ACSBG2: variants seen among roughly 807,000 people sequenced by gnomAD.
The protein encoded by ACSBG2 is long-chain-fatty-acid--CoA ligase ACSBG2.
A neutral mutation model predicts 74.7 loss-of-function variants in ACSBG2; 62 were observed. That is an observed-to-expected ratio of 0.83 (90% CI 0.68 to 1.03). The LOEUF is 1.03. Among genes scored for constraint, ACSBG2 ranks in the 50% least tolerant of loss-of-function variants. ACSBG2 has a pLI of 0.00. For missense variants in ACSBG2, 730 were observed against 817.6 expected, an observed-to-expected ratio of 0.89 and a Z score of 1.31; for synonymous variants, 309 against 294.1, an observed-to-expected ratio of 1.05 and a Z score of -0.52.
chr19:6,187,827 A>G lies in ACSBG2; in HGVS notation c.1909A>G (p.Ile637Val). ...GGTCATCTTGGAGAAGGACTTTTCC[A>G]TCTATGGTGGAGAGCTAGGTGAGTG... ...KWVILEKDFSIYGGELGPMMK... is the reference protein window; with the variant it reads ...KWVILEKDFSVYGGELGPMMK... The change falls in exon 13 of 15, where the codon ATC (isoleucine) becomes GTC (valine). Residue 637 changes from isoleucine to valine, a missense_variant. Ile to Val is a conservative substitution (Grantham distance 29). Transcript: ENST00000588485. 1.9e-6 allele frequency: 3 copies of G among 1,614,200 alleles called. No homozygotes were observed. Among genetic ancestry groups the G allele is most frequent in the Non-Finnish European group, 2.5e-6 (3 of 1,180,044 alleles).
At chr19:6,184,360 G>A (rs193125035) in intron 10 of ACSBG2, among the ~76,000 whole-genome samples, 7 of 152,056 alleles carry the variant, frequency 4.6e-5, no homozygotes, top group East Asian at 1.9e-4. Flanking sequence ...TGAACTTATC[G>A]ATCTCTTATG....
At position 6,180,269 on chromosome 19, in the gene ACSBG2, T is replaced by G. The variant is rs1012147783; in HGVS notation, c.907-2482T>G. Among the ~76,000 whole-genome samples, 4 of 152,154 alleles carry G rather than the reference T, an allele frequency of 2.6e-5. No individual in the cohort carries two copies. The highest frequency in any genetic ancestry group is 4.4e-5 in the Non-Finnish European group (3 of 68,022). On this transcript the variant is annotated intron_variant, in intron 8 of 14. Coordinates refer to ENST00000588485, the MANE Select transcript of ACSBG2 (RefSeq NM_030924.5). The surrounding 1 kb of genome is among the most constrained non-coding windows in gnomAD (Gnocchi z 4.3). ...TCCCAGGAGTTAGAACGTGGACATC[T>G]TTAGGGGGCCATTATTTTGCCTCCC...
chr19:6,176,264 A>C, intron 7 of ACSBG2: 2 of 1,336,516 alleles, frequency 1.5e-6, no homozygotes, highest in Non-Finnish European at 1.9e-6. Flanking sequence ...CCAGGTCCTT[A>C]CTCGATCTTA....
intron 7 of ACSBG2, among the ~76,000 whole-genome samples, chr19:6,169,236 A>C (rs1048287055): frequency 2.6e-5 from 4 of 152,186 alleles, no homozygotes; most frequent in African/African-American, 7.2e-5. Flanking sequence ...TCTTAGTCAT[A>C]AATTCTCTGC....
At position 6,183,055 on chromosome 19, in the gene ACSBG2, G is replaced by A. The variant is rs752245997; in HGVS notation, c.1105G>A (p.Val369Met). 1.5e-5 allele frequency: 24 copies of A among 1,614,014 alleles called. No homozygotes were observed. Among genetic ancestry groups the A allele is most frequent in the South Asian group, 4.4e-5 (4 of 91,086 alleles). Reference protein sequence around the residue: ...KKMLGKYNTPVSYRMAKTLVF... With the variant: ...KKMLGKYNTPMSYRMAKTLVF... ...TATTCACAGGAAATATAATACTCCC[G>A]TGAGCTACCGCATGGCTAAGACTCT... The change falls in exon 10 of 15, where the codon GTG becomes ATG. Residue 369 changes from valine to methionine, a missense_variant. Coordinates refer to ENST00000588485, the MANE Select transcript of ACSBG2 (RefSeq NM_030924.5).
In ACSBG2 at chr19:6,183,138, T is replaced by G. The variant is rs2090308611; in HGVS notation, c.1188T>G (p.Ser396Arg). ...LGLDHCHSFI[S>R]GTAPLNQETA... ...TGGATCACTGTCACTCTTTTATCAG[T>G]GGGACTGCGCCCCTCAACCAAGAGA... is the stretch of plus-strand genomic sequence containing the variant. The change falls in exon 10 of 15, where the codon AGT becomes AGG. Residue 396 changes from serine (S) to arginine (R), a missense_variant. Ser to Arg is a moderately radical substitution (Grantham distance 110). Coordinates refer to ENST00000588485, the MANE Select transcript of ACSBG2 (RefSeq NM_030924.5). 6.2e-7 allele frequency: 1 copy of G among 1,614,240 alleles called. No homozygotes were observed. Among genetic ancestry groups the G allele is most frequent in the African/African-American group, 1.3e-5 (1 of 75,060 alleles).
At position 6,161,392 on chromosome 19, in the gene ACSBG2, C is replaced by G. The variant is rs45458891; in HGVS notation, c.588+97C>G. 0.022 allele frequency: 25,258 copies of G among 1,170,474 alleles called. 976 individuals are homozygous for G. Among genetic ancestry groups the G allele is most frequent in the African/African-American group, 0.15 (10,012 of 65,738 alleles). The allele number at this position is 1,170,474 out of a possible 1,614,324, so 72.5% of individuals were successfully genotyped here. ...TGGAAGGTGAGCAGAGGGAGGAGGT[C>G]GGACCTGGCAAGGGTGGGAACTCTC... On this transcript the variant is annotated intron_variant, in intron 6 of 14. Transcript: ENST00000588485.
intron 3 of ACSBG2, among the ~76,000 whole-genome samples, chr19:6,151,087 C>T (rs558373813): frequency 2.2e-4 from 32 of 147,054 alleles, no homozygotes; most frequent in African/African-American, 7.3e-4. Flanking sequence ...GGACTCCAGC[C>T]TTGGCAACAG....
rs1233477685 is a variant in ACSBG2, at chr19:6,190,589, A to G, written c.1933A>G (p.Met645Val). 1.1e-5 allele frequency: 17 copies of G among 1,613,816 alleles called. No homozygotes were observed. Among genetic ancestry groups the G allele is most frequent in the African/African-American group, 5.3e-5 (4 of 75,026 alleles). ...FSIYGGELGP[M>V]MKLKRHFVAQ... ...GATTTCTCCTTTCTCGATAGGTCCA[A>G]TGATGAAACTTAAGAGACATTTTGT... The change falls in exon 14 of 15, where the codon ATG (methionine) becomes GTG (valine). Residue 645 changes from methionine (M) to valine (V), a missense_variant. Coordinates refer to ENST00000588485, the MANE Select transcript of ACSBG2 (RefSeq NM_030924.5).
chr19:6,158,945 C>A (rs1229728522), intron 5 of ACSBG2, among the ~76,000 whole-genome samples: 1 of 151,826 alleles, frequency 6.6e-6, no homozygotes, highest in African/African-American at 2.4e-5. Context: ...TTTTTCTTTT[C>A]TTTTCTTTTT....
intron 6 of ACSBG2, among the ~76,000 whole-genome samples, 190 bp from the exon 7 acceptor site, chr19:6,165,676 G>A (rs1394013729): frequency 6.6e-6 from 1 of 152,210 alleles, no homozygotes; most frequent in African/African-American, 2.4e-5. Flanking sequence ...GCTTGGTGAC[G>A]CTGCGAGGAA....
Position 6,156,530 on chromosome 19 carries a change from A to G in ACSBG2, c.486A>G (p.Gln162=). The G allele has an allele frequency of 6.3e-7, 1 of 1,583,814 alleles. No individual in the cohort carries two copies. Among genetic ancestry groups the G allele is most frequent in the Non-Finnish European group, 8.6e-7 (1 of 1,164,164 alleles). Residue 162 remains glutamine, a synonymous_variant, in exon 5 of 15, where the codon CAA becomes CAG. Transcript: ENST00000588485. The stretch of plus-strand genomic sequence containing the variant: ...ACATCTTGCTGGTTGAGAATGATCA[A>G]CAGTTACAGAAAATCCTTTCGGTAA... The part of the protein sequence containing the change: ...KVNILLVEND[Q]QLQKILSIPQ...
At chr19:6,156,971 G>C (rs374980731) in intron 5 of ACSBG2, among the ~76,000 whole-genome samples, 5 of 151,320 alleles carry the variant, frequency 3.3e-5, no homozygotes, top group African/African-American at 1.2e-4. Context: ...TTCCGAGACA[G>C]AGTCTCGCTC....
At chr19:6,162,760 A>G (rs865808097) in intron 6 of ACSBG2, among the ~76,000 whole-genome samples, 6 of 151,964 alleles carry the variant, frequency 3.9e-5, no homozygotes, top group Middle Eastern at 6.8e-3. Flanking sequence ...GCCCTGTAGG[A>G]TGTTGAGCTG....
chr19:6,149,696 C>CG (rs958458039), intron 3 of ACSBG2, among the ~76,000 whole-genome samples: 2 of 151,900 alleles, frequency 1.3e-5, no homozygotes, highest in Non-Finnish European at 2.9e-5. Context: ...TTAGTAGAGA[C>CG]GGGGTTTCAT....
chr19:6,163,899 C>T (rs929764230), intron 6 of ACSBG2, among the ~76,000 whole-genome samples: 7 of 151,468 alleles, frequency 4.6e-5, no homozygotes, highest in African/African-American at 1.5e-4. Context: ...GCTGAGATCA[C>T]GCCATTGCAC....
At chr19:6,171,071 G>A (rs2089951415) in intron 7 of ACSBG2, among the ~76,000 whole-genome samples, 1 of 151,688 alleles carries the variant, frequency 6.6e-6, no homozygotes, top group East Asian at 1.9e-4. Context: ...TTGCATGATA[G>A]ATCTTTCTCC....
At chr19:6,190,889 C>T (rs2090548137) in intron 14 of ACSBG2, 197 bp downstream of exon 14, 3 of 466,942 alleles carry the variant, frequency 6.4e-6, no homozygotes, top group Non-Finnish European at 7.8e-6. Flanking sequence ...CAGGCTTCAA[C>T]TCATGCTGTC....
chr19:6,157,710 C>A (rs1408076120), intron 5 of ACSBG2, among the ~76,000 whole-genome samples: 1 of 152,018 alleles, frequency 6.6e-6, no homozygotes, highest in African/African-American at 2.4e-5. Context: ...AGCCCCCATG[C>A]CCAACCTTAA....
Sources: gnomAD v4.1 joint callset for allele counts (sites outside exome capture counted in the v4.1 genomes callset) on GRCh38, gnomAD v4.1.1 for gene constraint, Gnocchi (gnomAD v3.1) non-coding constraint, MANE v1.5 for transcripts, NCBI Gene and HGNC (gene_info 2026-07-23, HGNC 2026-07-21) for gene names.